The following NFIC variants were observed in gnomAD, a reference collection of about 807,000 sequenced individuals.
NFIC encodes nuclear factor 1 C-type.
A neutral mutation model predicts 54.4 loss-of-function variants in NFIC; 12 were observed. The ratio of observed to expected loss-of-function variants is 0.22; its 90% CI spans 0.14 to 0.36. The LOEUF (loss-of-function observed/expected upper bound fraction) is 0.36. Among genes scored for constraint, NFIC ranks in the 10% least tolerant of loss-of-function variants. The pLI is 1.00. For synonymous variants in NFIC, 322 were observed against 319.2 expected (o/e 1.01, Z -0.09); for missense variants, 575 against 718.2 (o/e 0.80, Z 2.28).
chr19:3,452,727 C>T lies in NFIC; in HGVS notation c.1269+61C>T. Reference sequence around the variant, plus strand: ...CGGCTCCAGGTGACCTCCCGGGGGCCACGTGCTCACACGAAGGCACAACCT... The same window carrying T: ...CGGCTCCAGGTGACCTCCCGGGGGCTACGTGCTCACACGAAGGCACAACCT... On this transcript the variant is annotated intron_variant, in intron 8 of 10. Transcript: ENST00000443272. The surrounding 1 kb of genome is among the most constrained non-coding windows in gnomAD (Gnocchi z 5.3). 6.6e-7 allele frequency: 1 copy of T among 1,517,820 alleles called. No individual in the cohort carries two copies. The highest frequency in any genetic ancestry group is 1.3e-5 in the South Asian group (1 of 79,018). 94.0% of individuals were successfully genotyped at this position (1,517,820 alleles called of 1,614,324 possible).
chr19:3,376,025 G>A (rs898200480), intron 1 of NFIC, among the ~76,000 whole-genome samples: 1 of 152,104 alleles, frequency 6.6e-6, no homozygotes, highest in Non-Finnish European at 1.5e-5. Flanking sequence ...GAGACCCTGT[G>A]GGACCTCAGC....
intron 6 of NFIC, among the ~76,000 whole-genome samples, chr19:3,446,866 TA>T (rs1026189548): frequency 1.3e-5 from 2 of 148,732 alleles, no homozygotes; most frequent in Non-Finnish European, 3.0e-5. Flanking sequence ...ACCCCATCTC[TA>T]AAAAAAAAAT....
chr19:3,366,817 C>T, intron 1 of NFIC, 151 bp downstream of exon 1: 1 of 524,398 alleles, frequency 1.9e-6, no homozygotes, highest in Non-Finnish European at 3.2e-6. Context: ...GGCTGGGGTC[C>T]GGTGGGGGGA....
chr19:3,456,186 G>T (rs375221376), intron 9 of NFIC, among the ~76,000 whole-genome samples: 1 of 152,200 alleles, frequency 6.6e-6, no homozygotes, highest in African/African-American at 2.4e-5. Flanking sequence ...CATGCACCCC[G>T]CGCGGAGGCA....
At chr19:3,428,181 AAAAAG>A (rs898311088) in intron 3 of NFIC, among the ~76,000 whole-genome samples, 17 of 151,044 alleles carry the variant, frequency 1.1e-4, no homozygotes, top group African/African-American at 1.5e-4. Context: ...CAAAAAAAAA[AAAAAG>A]AAAAGAAAAG....
At chr19:3,445,876 A>C (rs902708185) in intron 6 of NFIC, among the ~76,000 whole-genome samples, 4 of 152,278 alleles carry the variant, frequency 2.6e-5, no homozygotes, top group African/African-American at 9.6e-5. Flanking sequence ...ACACGGTGAC[A>C]TCCTCACCGT....
intron 2 of NFIC, among the ~76,000 whole-genome samples, chr19:3,419,336 T>C (rs576701892): frequency 1.3e-5 from 2 of 152,230 alleles, no homozygotes; most frequent in East Asian, 3.9e-4. Flanking sequence ...TGGCCAGGCA[T>C]GGTGGTGCTC....
At chr19:3,457,384 G>A (rs905297596) in intron 10 of NFIC, among the ~76,000 whole-genome samples, 2 of 152,208 alleles carry the variant, frequency 1.3e-5, no homozygotes, top group Non-Finnish European at 2.9e-5. Flanking sequence ...AGGCTGCACA[G>A]TAGTCTAGGG....
At position 3,375,414 on chromosome 19, in the gene NFIC, T is replaced by G. The variant is rs933991307; in HGVS notation, c.31-6298T>G. 1.3e-5 allele frequency among the ~76,000 whole-genome samples: 2 copies of G among 152,138 alleles called. No homozygotes were observed. Among genetic ancestry groups the G allele is most frequent in the East Asian group, 1.9e-4 (1 of 5,160 alleles). ...GCTTCCCTGGCCAGACCATCTGGGC[T>G]CTGGTCCCAGCTCTGCTGACCGGCT... On this transcript the variant is annotated intron_variant, in intron 1 of 10. Coordinates refer to ENST00000443272, the MANE Select transcript of NFIC (RefSeq NM_001245002.2). This position sits in a 1 kb window ranked among gnomAD's most constrained non-coding sequence, Gnocchi z 4.6.
intron 2 of NFIC, among the ~76,000 whole-genome samples, chr19:3,418,800 C>T (rs550743894): frequency 3.9e-5 from 6 of 152,138 alleles, no homozygotes; most frequent in African/African-American, 7.2e-5. Context: ...TGCAGTGAGC[C>T]GAGATTGTGC....
At chr19:3,441,740 G>T (rs1490438584) in intron 6 of NFIC, among the ~76,000 whole-genome samples, 1 of 152,184 alleles carries the variant, frequency 6.6e-6, no homozygotes, top group Non-Finnish European at 1.5e-5. Flanking sequence ...CAGGCTTATT[G>T]TTGCAGCCTG....
chr19:3,441,116 T>C (rs926860083), intron 6 of NFIC, among the ~76,000 whole-genome samples: 7 of 152,152 alleles, frequency 4.6e-5, no homozygotes, highest in African/African-American at 1.7e-4. Context: ...GGCTGGCCGC[T>C]TTTTCTCTAT....
chr19:3,392,273 T>C (rs1415364685), intron 2 of NFIC, among the ~76,000 whole-genome samples: 2 of 152,266 alleles, frequency 1.3e-5, no homozygotes, highest in East Asian at 3.9e-4. Flanking sequence ...GGTTTCACTA[T>C]GTTGGCCAGG....
intron 2 of NFIC, among the ~76,000 whole-genome samples, chr19:3,418,576 G>A (rs1353725470): frequency 6.6e-6 from 1 of 152,172 alleles, no homozygotes; most frequent in African/African-American, 2.4e-5. Flanking sequence ...GGCTGGCCGG[G>A]CGTGGTGGCT....
At chr19:3,441,105 C>T (rs918060886) in intron 6 of NFIC, among the ~76,000 whole-genome samples, 4 of 152,212 alleles carry the variant, frequency 2.6e-5, no homozygotes, top group African/African-American at 4.8e-5. Flanking sequence ...CCACCACACC[C>T]GGCTGGCCGC....
chr19:3,378,705 C>T (rs1275242481), intron 1 of NFIC, among the ~76,000 whole-genome samples: 3 of 152,188 alleles, frequency 2.0e-5, no homozygotes, highest in Admixed American at 6.5e-5. Flanking sequence ...CCAGTCTCAG[C>T]GCCTTCCCAG....
intron 6 of NFIC, among the ~76,000 whole-genome samples, chr19:3,443,201 A>T (rs1295447270): frequency 6.6e-6 from 1 of 152,238 alleles, no homozygotes; most frequent in Non-Finnish European, 1.5e-5. Context: ...TGGGAGGCCA[A>T]GGCTGGAGGA....
chr19:3,444,832 T>C (rs539029057), intron 6 of NFIC, among the ~76,000 whole-genome samples: 1 of 152,226 alleles, frequency 6.6e-6, no homozygotes, highest in South Asian at 2.1e-4. Context: ...CACACACGCA[T>C]GCATGCTCAT....
At chr19:3,366,513 G>T, upstream of NFIC, 1 of 445,640 alleles carries the variant, frequency 2.2e-6, no homozygotes, top group Non-Finnish European at 3.7e-6. Flanking sequence ...AGGCGGCGAG[G>T]AGAGCGCGCC....
Sources: gnomAD v4.1 joint callset for allele counts (sites outside exome capture counted in the v4.1 genomes callset) on GRCh38, gnomAD v4.1.1 for gene constraint, Gnocchi (gnomAD v3.1) non-coding constraint, MANE v1.5 for transcripts, NCBI Gene and HGNC (gene_info 2026-07-23, HGNC 2026-07-21) for gene names.